IPCEF1: variants seen among roughly 807,000 people sequenced by gnomAD.
IPCEF1 encodes the protein interactor protein for cytohesin exchange factors 1.
Under a neutral mutation model 50.9 loss-of-function variants are expected in IPCEF1, and 31 were observed. The ratio of observed to expected loss-of-function variants is 0.61; its 90% CI spans 0.46 to 0.82. The LOEUF (loss-of-function observed/expected upper bound fraction) is 0.82. Among genes scored for constraint, IPCEF1 ranks in the 40% least tolerant of loss-of-function variants. The pLI, the probability that IPCEF1 is intolerant of heterozygous loss-of-function variation, is 0.00. For missense variants in IPCEF1, 458 were observed against 514.0 expected (o/e 0.89, Z 1.05); for synonymous variants, 181 against 192.0 (o/e 0.94, Z 0.47).
At chr6:154,313,268 A>G (rs1783130466) in intron 1 of IPCEF1, among the ~76,000 whole-genome samples, 1 of 151,646 alleles carries the variant, frequency 6.6e-6, no homozygotes, top group Non-Finnish European at 1.5e-5. Flanking sequence ...TTAGCTACTC[A>G]GGAGGCTGAG....
chr6:154,186,880 G>A (rs1801416805), intron 10 of IPCEF1, among the ~76,000 whole-genome samples: 1 of 152,074 alleles, frequency 6.6e-6, no homozygotes, highest in African/African-American at 2.4e-5. Flanking sequence ...TCAAATTTCA[G>A]TGAGATGGCA....
chr6:154,171,946 G>A (rs1799906070), intron 10 of IPCEF1, among the ~76,000 whole-genome samples: 1 of 152,120 alleles, frequency 6.6e-6, no homozygotes, highest in Non-Finnish European at 1.5e-5. Flanking sequence ...TTTGAATTAA[G>A]GAATATATGT....
intron 1 of IPCEF1, among the ~76,000 whole-genome samples, chr6:154,343,054 T>G: frequency 6.6e-6 from 1 of 152,152 alleles, no homozygotes; most frequent in Non-Finnish European, 1.5e-5. Flanking sequence ...AGCTGAAGGC[T>G]GCAGTGAGCT....
chr6:154,341,457 A>G (rs888593197), intron 1 of IPCEF1, among the ~76,000 whole-genome samples: 5 of 152,176 alleles, frequency 3.3e-5, no homozygotes, highest in African/African-American at 1.2e-4. Context: ...TATTGAAAGG[A>G]ATGCTGAATC....
intron 10 of IPCEF1, among the ~76,000 whole-genome samples, chr6:154,175,625 G>C (rs1381249007): frequency 1.3e-5 from 2 of 152,140 alleles, no homozygotes; most frequent in Non-Finnish European, 2.9e-5. Context: ...AAACCAGGAA[G>C]AAGTTGAATC....
chr6:154,252,751 G>T (rs1473929714), intron 3 of IPCEF1, among the ~76,000 whole-genome samples: 2 of 152,176 alleles, frequency 1.3e-5, no homozygotes, highest in South Asian at 2.1e-4. Flanking sequence ...TAACTATTGT[G>T]TGGGGCTACA....
rs564210033 is a variant in IPCEF1, at chr6:154,218,326, G to A, written c.392+2931C>T. Among the ~76,000 whole-genome samples the A allele has an allele frequency of 1.2e-4, 19 of 152,298 alleles. 2 individuals carry two copies. Among genetic ancestry groups the A allele is most frequent in the South Asian group, 6.2e-4 (3 of 4,818 alleles). The stretch of plus-strand genomic sequence containing the variant: ...GCAGCTCCCGTCTTTGCTGAGAAAC[G>A]AACTCTTTCATTACCCTTAATTACT... On this transcript the variant is annotated intron_variant, in intron 7 of 11. Transcript: ENST00000367220.
intron 6 of IPCEF1, among the ~76,000 whole-genome samples, chr6:154,221,923 C>T (rs916538804): frequency 6.6e-6 from 1 of 152,118 alleles, no homozygotes; most frequent in Non-Finnish European, 1.5e-5. Context: ...ATATCCTCTT[C>T]CTTTCACTTG....
Position 154,353,696 on chromosome 6 carries a change from AAAG to A in IPCEF1, c.-62+2973_-62+2975del, listed in dbSNP as rs1207504093. 7.9e-5 allele frequency among the ~76,000 whole-genome samples: 12 copies of A among 152,354 alleles called. No individual in the cohort carries two copies. In the East Asian group the frequency reaches 2.1e-3, roughly 27 times the overall value. On this transcript the variant is annotated intron_variant, in intron 1 of 11. Transcript: ENST00000367220. ...AGAAAATAGAGTACAAAGTACAAAG[AAAG>A]AAGAACCACGAGCTATAAGCCCACT...
intron 2 of IPCEF1, among the ~76,000 whole-genome samples, chr6:154,280,772 C>T (rs1782186413): frequency 6.6e-6 from 1 of 152,082 alleles, no homozygotes; most frequent in African/African-American, 2.4e-5. Flanking sequence ...TTCGGGATCC[C>T]GATGGTATTC....
intron 1 of IPCEF1, among the ~76,000 whole-genome samples, chr6:154,335,297 C>T (rs1783764967): frequency 6.6e-6 from 1 of 152,154 alleles, no homozygotes; most frequent in Non-Finnish European, 1.5e-5. Flanking sequence ...TTCTCTGTGC[C>T]CCATCTTGCC....
intron 1 of IPCEF1, among the ~76,000 whole-genome samples, chr6:154,295,911 G>GCA (rs58745478): frequency 1.0e-4 from 15 of 150,314 alleles, no homozygotes; most frequent in Admixed American, 2.0e-4. Flanking sequence ...ACACACACAC[G>GCA]CACACACACA....
At chr6:154,218,201 T>C (rs1284163835) in intron 7 of IPCEF1, among the ~76,000 whole-genome samples, 4 of 152,216 alleles carry the variant, frequency 2.6e-5, no homozygotes, top group Non-Finnish European at 5.9e-5. Flanking sequence ...TGGGAGTTTG[T>C]TGTATATTAA....
chr6:154,343,059 T>C (rs374297891), intron 1 of IPCEF1, among the ~76,000 whole-genome samples: 28 of 152,232 alleles, frequency 1.8e-4, no homozygotes, highest in African/African-American at 6.5e-4. Flanking sequence ...AAGGCTGCAG[T>C]GAGCTGAGAT....
At chr6:154,205,185 T>C (rs1331574108) in intron 9 of IPCEF1, among the ~76,000 whole-genome samples, 3 of 152,194 alleles carry the variant, frequency 2.0e-5, no homozygotes, top group Non-Finnish European at 4.4e-5. Flanking sequence ...AGTAATTTGT[T>C]TGAATTATTA....
chr6:154,241,416 A>G (rs1430396391), intron 5 of IPCEF1, among the ~76,000 whole-genome samples: 1 of 152,150 alleles, frequency 6.6e-6, no homozygotes, highest in Non-Finnish European at 1.5e-5. Context: ...AACAATGTAC[A>G]AAACTAAAAT....
intron 10 of IPCEF1, among the ~76,000 whole-genome samples, chr6:154,172,345 C>T (rs977987428): frequency 8.5e-5 from 13 of 152,198 alleles, no homozygotes; most frequent in African/African-American, 3.1e-4. Flanking sequence ...TGTCACCTCA[C>T]CTGGGAAACA....
At chr6:154,246,345 T>C (rs1781041709) in intron 5 of IPCEF1, among the ~76,000 whole-genome samples, 1 of 152,224 alleles carries the variant, frequency 6.6e-6, no homozygotes, top group Non-Finnish European at 1.5e-5. Context: ...TTAGCAAGGA[T>C]GTAAATGTCG....
intron 1 of IPCEF1, among the ~76,000 whole-genome samples, chr6:154,292,272 T>C (rs572561901): frequency 3.7e-4 from 57 of 152,338 alleles, no homozygotes; most frequent in African/African-American, 1.4e-3. Context: ...CAGGTTGGAA[T>C]GCTTTCCTTC....
Sources: allele counts gnomAD v4.1 joint callset (sites outside exome capture counted in the v4.1 genomes callset), GRCh38; gene constraint gnomAD v4.1.1; transcripts MANE v1.5; gene names NCBI Gene and HGNC (gene_info 2026-07-23, HGNC 2026-07-21).